The following RNF2 variants were observed in gnomAD, a reference collection of about 807,000 sequenced individuals.
RNF2 encodes the protein ring finger protein 2.
A neutral mutation model predicts 37.2 loss-of-function variants in RNF2; 6 were observed. That is an observed-to-expected ratio of 0.16 (90% CI 0.09 to 0.32). The LOEUF (loss-of-function observed/expected upper bound fraction) is 0.32. RNF2 is among the 10% of genes least tolerant of loss of function. RNF2 has a pLI of 1.00. For synonymous variants in RNF2, 133 were observed against 132.7 expected (o/e 1.00, Z -0.02); for missense variants, 251 against 404.0 (o/e 0.62, Z 3.25).
chr1:185,074,341 G>GGTAGGGGTAGGATGGGACT (rs1312383236), intron 1 of RNF2, among the ~76,000 whole-genome samples: 2 of 152,086 alleles, frequency 1.3e-5, no homozygotes, highest in Middle Eastern at 3.2e-3. Flanking sequence ...CCTCTTTAGT[G>GGTAGGGGTAGGATGGGACT]GTAGGGGTAG....
intron 1 of RNF2, among the ~76,000 whole-genome samples, chr1:185,080,358 G>C (rs997426084): frequency 1.8e-4 from 27 of 152,280 alleles, no homozygotes; most frequent in African/African-American, 6.5e-4. Context: ...TCACTAAACA[G>C]AAGAGAAAAG....
chr1:185,092,612 A>G (rs1651800803), intron 3 of RNF2, among the ~76,000 whole-genome samples: 1 of 152,164 alleles, frequency 6.6e-6, no homozygotes, highest in Admixed American at 6.6e-5. Context: ...TTTTGAGGAA[A>G]TTACAACGCA....
At chr1:185,070,569 C>G (rs1299107907) in intron 1 of RNF2, among the ~76,000 whole-genome samples, 1 of 151,844 alleles carries the variant, frequency 6.6e-6, no homozygotes, top group Non-Finnish European at 1.5e-5. Flanking sequence ...TAGTATTATC[C>G]TCAGTTTTTT....
At chr1:185,065,365 C>G (rs978155211) in intron 1 of RNF2, among the ~76,000 whole-genome samples, 8 of 152,172 alleles carry the variant, frequency 5.3e-5, no homozygotes. Flanking sequence ...AGCTGGCCAC[C>G]GAAGGCCCCA....
At chr1:185,058,579 T>C (rs1026009420) in intron 1 of RNF2, among the ~76,000 whole-genome samples, 1 of 152,250 alleles carries the variant, frequency 6.6e-6, no homozygotes, top group Admixed American at 6.5e-5. Context: ...TTGGTTTTCC[T>C]TCCTCTTTAT....
At chr1:185,066,144 T>G (rs1650792664) in intron 1 of RNF2, among the ~76,000 whole-genome samples, 1 of 152,216 alleles carries the variant, frequency 6.6e-6, no homozygotes, top group African/African-American at 2.4e-5. Context: ...ATTAGGATTC[T>G]TGATTTTCTC....
intron 1 of RNF2, among the ~76,000 whole-genome samples, chr1:185,047,470 G>A (rs1313133550): frequency 6.6e-6 from 1 of 152,208 alleles, no homozygotes; most frequent in Non-Finnish European, 1.5e-5. Flanking sequence ...CCTACAGTTT[G>A]TGGTGTCACG....
chr1:185,099,623 A>G (rs1192193175), intron 5 of RNF2, among the ~76,000 whole-genome samples, 168 bp from the exon 6 acceptor site: 3 of 152,178 alleles, frequency 2.0e-5, no homozygotes, highest in East Asian at 3.9e-4. Context: ...GTACCTATCA[A>G]TAAGAAATTT....
At chr1:185,088,615 C>G (rs1036099569) in intron 2 of RNF2, among the ~76,000 whole-genome samples, 4 of 151,534 alleles carry the variant, frequency 2.6e-5, no homozygotes, top group African/African-American at 7.3e-5. Context: ...GTGTTTAACA[C>G]TAGTGACAGG....
intron 1 of RNF2, among the ~76,000 whole-genome samples, chr1:185,075,605 TA>T (rs1571310623): frequency 6.6e-6 from 1 of 152,264 alleles, no homozygotes; most frequent in East Asian, 1.9e-4. Context: ...TCAGGAAACT[TA>T]CATTCATGGT....
intron 1 of RNF2, among the ~76,000 whole-genome samples, chr1:185,064,116 G>T (rs1650728610): frequency 1.3e-5 from 2 of 152,054 alleles, no homozygotes; most frequent in Admixed American, 1.3e-4. Flanking sequence ...ATTCAGAAGG[G>T]CATTTAAAAT....
intron 1 of RNF2, among the ~76,000 whole-genome samples, chr1:185,049,529 C>T (rs1650213967): frequency 1.3e-5 from 2 of 152,088 alleles, no homozygotes; most frequent in Admixed American, 1.3e-4. Flanking sequence ...TGTTTACTTT[C>T]CCCTTCAGTG....
At chr1:185,057,887 C>G (rs1650481843) in intron 1 of RNF2, among the ~76,000 whole-genome samples, 1 of 151,770 alleles carries the variant, frequency 6.6e-6, no homozygotes, top group Non-Finnish European at 1.5e-5. Flanking sequence ...ATAATCCCAG[C>G]ACTTAGATGG....
intron 1 of RNF2, chr1:185,071,959 A>G (rs999772269): frequency 6.6e-6 from 1 of 152,442 alleles, no homozygotes; most frequent in African/African-American, 2.4e-5. Context: ...TGGCAAAGCC[A>G]TATCATTGTG....
In RNF2 at chr1:185,098,361, G is replaced by A. The variant is rs1651973310; in HGVS notation, c.737+17G>A. 3 of 1,606,844 alleles carry A rather than the reference G, an allele frequency of 1.9e-6. No homozygotes were observed. The African/African-American group carries it at 4.0e-5, about 21-fold the overall frequency. ...ACAGACGAGGTAAGTGTGTGGATTA[G>A]TTTCAGATTATCTAAATTCAGAATG... On this transcript the variant is annotated intron_variant, in intron 5 of 6. Transcript: ENST00000367510.
intron 1 of RNF2, among the ~76,000 whole-genome samples, chr1:185,054,939 G>C (rs746662965): frequency 3.4e-4 from 51 of 152,126 alleles, no homozygotes; most frequent in Non-Finnish European, 5.7e-4. Flanking sequence ...AGCACAAGCA[G>C]TCCGCCTGCC....
intron 1 of RNF2, among the ~76,000 whole-genome samples, chr1:185,083,356 T>C (rs1651484736): frequency 2.0e-5 from 3 of 152,178 alleles, no homozygotes; most frequent in South Asian, 4.1e-4. Flanking sequence ...CAATTTTCCA[T>C]TTTAATTTTA....
At chr1:185,085,747 G>A (rs1415349468) in intron 1 of RNF2, among the ~76,000 whole-genome samples, 4 of 151,750 alleles carry the variant, frequency 2.6e-5, no homozygotes, top group Admixed American at 1.3e-4. Flanking sequence ...TCTGCCTCCC[G>A]GGTTCAAGCG....
At chr1:185,088,665 A>G (rs1441920680) in intron 2 of RNF2, among the ~76,000 whole-genome samples, 1 of 152,212 alleles carries the variant, frequency 6.6e-6, no homozygotes, top group Non-Finnish European at 1.5e-5. Context: ...AATTAGACTT[A>G]ACAATACAGT....
Sources: allele counts gnomAD v4.1 joint callset (sites outside exome capture counted in the v4.1 genomes callset), GRCh38; gene constraint gnomAD v4.1.1; transcripts MANE v1.5; gene names NCBI Gene and HGNC (gene_info 2026-07-23, HGNC 2026-07-21).